GSDME: variants seen among roughly 807,000 people sequenced by gnomAD.
GSDME encodes the protein gasdermin E.
A neutral mutation model predicts 47.5 loss-of-function variants in GSDME; 44 were observed. That is an observed-to-expected ratio of 0.93 (90% CI 0.73 to 1.19). The LOEUF is 1.19. Ranked by LOEUF, GSDME falls within the 50% of genes most tolerant of loss-of-function variation. GSDME has a pLI of 0.00. For synonymous variants in GSDME, 258 were observed against 252.8 expected, an observed-to-expected ratio of 1.02 and a Z score of -0.20; for missense variants, 663 against 604.2, an observed-to-expected ratio of 1.10 and a Z score of -1.02.
At chr7:24,719,367 A>T in intron 3 of GSDME, 149 bp from the exon 4 acceptor site, 1 of 880,166 alleles carries the variant, frequency 1.1e-6, no homozygotes, top group Non-Finnish European at 1.8e-6. Context: ...GTGGCAGGTC[A>T]CCTGGAAAGA....
rs1340449850 is a variant in GSDME at position 24,725,551 on chromosome 7, T to C, written c.405-6333A>G. Among the ~76,000 whole-genome samples, 1 of 152,018 alleles carries C rather than the reference T, an allele frequency of 6.6e-6. No individual in the cohort carries two copies. Among genetic ancestry groups the C allele is most frequent in the Non-Finnish European group, 1.5e-5 (1 of 68,002 alleles). ...TCTTGAGTGAGCAATTCCTGTCCCG[T>C]TTAAGGGCTCACAACTCTAAGGGGG... On this transcript the variant is annotated intron_variant, in intron 3 of 9. Transcript: ENST00000645220. The surrounding 1 kb of genome is among the most constrained non-coding windows in gnomAD (Gnocchi z 5.1).
At chr7:24,770,369 T>C in the GSDME span, among the ~76,000 whole-genome samples, 2 of 152,230 alleles carry the variant, frequency 1.3e-5, no homozygotes, top group Non-Finnish European at 2.9e-5. This position sits in a 1 kb window ranked among gnomAD's most constrained non-coding sequence, Gnocchi z 4.6. Context: ...GTTGTATCCT[T>C]TATGATAAAC....
At chr7:24,710,495 C>G in intron 5 of GSDME, 107 bp from the exon 6 acceptor site, 1 of 1,062,446 alleles carries the variant, frequency 9.4e-7, no homozygotes, top group Non-Finnish European at 1.4e-6. Flanking sequence ...AGACGTAACT[C>G]AGTGGAGCAG....
chr7:24,715,352 C>T, intron 5 of GSDME: 1 of 426,404 alleles, frequency 2.3e-6, no homozygotes, highest in Non-Finnish European at 4.9e-6. Flanking sequence ...GTCCTCACCA[C>T]ACACATGCAG....
chr7:24,718,368 T>G (rs1383893312), intron 4 of GSDME, among the ~76,000 whole-genome samples: 1 of 152,212 alleles, frequency 6.6e-6, no homozygotes, highest in Non-Finnish European at 1.5e-5. Context: ...TCCATTGAAG[T>G]TTAGTACTGG....
At chr7:24,792,812 C>T in the GSDME span, among the ~76,000 whole-genome samples, 2 of 151,778 alleles carry the variant, frequency 1.3e-5, no homozygotes, top group African/African-American at 2.4e-5. Context: ...TTTCTTTTTT[C>T]CACCCTTTGA....
intron 3 of GSDME, among the ~76,000 whole-genome samples, chr7:24,737,216 GT>G (rs1341098611): frequency 7.2e-5 from 11 of 151,914 alleles, no homozygotes; most frequent in African/African-American, 2.6e-4. Context: ...ACAAAAGTTT[GT>G]TTTTTTAAAA....
rs1384779365 is a variant in GSDME at position 24,724,522 on chromosome 7, A to G, written c.405-5304T>C. Among the ~76,000 whole-genome samples, 1 of 152,220 alleles carries G rather than the reference A, an allele frequency of 6.6e-6. No individual in the cohort carries two copies. Among genetic ancestry groups the G allele is most frequent in the Non-Finnish European group, 1.5e-5 (1 of 68,040 alleles). On this transcript the variant is annotated intron_variant, in intron 3 of 9. Transcript: ENST00000645220. The surrounding 1 kb of genome is among the most constrained non-coding windows in gnomAD (Gnocchi z 4.8). ...AGCAAGAACAGGAGGCCACTGAGGCAGAGGCGTATATCCTCAACAGAAAGG... is the reference window on the plus strand; with the variant it reads ...AGCAAGAACAGGAGGCCACTGAGGCGGAGGCGTATATCCTCAACAGAAAGG...
rs1790293204 is a variant in GSDME, at chr7:24,735,934, A to T, written c.404+8628T>A. On this transcript the variant is annotated intron_variant, in intron 3 of 9. Transcript: ENST00000645220. This position sits in a 1 kb window ranked among gnomAD's most constrained non-coding sequence, Gnocchi z 4.4. The stretch of plus-strand genomic sequence containing the variant: ...CATTTTCTTTTTATTTGTTTATGCT[A>T]GCAGTGTTAAGTTGTTATCAGCTTA... Among the ~76,000 whole-genome samples, 1 of 152,154 alleles carries T rather than the reference A, an allele frequency of 6.6e-6. No individual in the cohort carries two copies. Among genetic ancestry groups the T allele is most frequent in the Non-Finnish European group, 1.5e-5 (1 of 68,032 alleles).
chr7:24,718,563 G>C (rs148863045), intron 4 of GSDME, among the ~76,000 whole-genome samples: 1 of 152,348 alleles, frequency 6.6e-6, no homozygotes, highest in East Asian at 1.9e-4. Flanking sequence ...CCTGATCAGT[G>C]CCTGTGTGTT....
At chr7:24,741,702 T>C (rs970131628) in intron 3 of GSDME, among the ~76,000 whole-genome samples, 2 of 152,112 alleles carry the variant, frequency 1.3e-5, no homozygotes, top group Admixed American at 6.5e-5. Context: ...TCCTTAAGCA[T>C]CACGAACTGC....
chr7:24,720,152 T>G (rs1209687010), intron 3 of GSDME, among the ~76,000 whole-genome samples: 1 of 152,156 alleles, frequency 6.6e-6, no homozygotes, highest in Non-Finnish European at 1.5e-5. Context: ...CAGCAGAGAT[T>G]TGGGGCTCCC....
At chr7:24,702,950 A>G (rs750039288) in intron 8 of GSDME, 117 bp from the exon 9 acceptor site, 2 of 816,330 alleles carry the variant, frequency 2.4e-6, no homozygotes, top group Non-Finnish European at 4.0e-6. Context: ...CAGGCAGGGG[A>G]GGTACTCAGC....
chr7:24,712,116 G>A lies in GSDME; in HGVS notation c.698-1728C>T, dbSNP rs1235473548. On this transcript the variant is annotated intron_variant, in intron 5 of 9. Transcript: ENST00000645220. The surrounding 1 kb of genome is among the most constrained non-coding windows in gnomAD (Gnocchi z 4.4). ...GGCATTAATGATGCTCATAAAGATA[G>A]AATGGAAAAGAAAAAGAAGAATGGC... Among the ~76,000 whole-genome samples, 1 of 152,160 alleles carries A rather than the reference G, an allele frequency of 6.6e-6. No individual in the cohort carries two copies. Among genetic ancestry groups the A allele is most frequent in the East Asian group, 1.9e-4 (1 of 5,190 alleles).
chr7:24,717,246 GCACT>G lies in GSDME; in HGVS notation c.697+4_697+7del. 6.7e-7 allele frequency: 1 copy of G among 1,487,984 alleles called. No individual in the cohort carries two copies. Among genetic ancestry groups the G allele is most frequent in the Non-Finnish European group, 9.1e-7 (1 of 1,099,692 alleles). 92.2% of individuals were successfully genotyped at this position (1,487,984 alleles called of 1,614,324 possible). Reference sequence around the variant, plus strand: ...GATCCCTCAGCACCCATAGGAGGTGGCACTCACCGAACTGGCCGTCCAGTTTCAC... The same window carrying G: ...GATCCCTCAGCACCCATAGGAGGTGGCACCGAACTGGCCGTCCAGTTTCAC... On this transcript the variant is annotated splice_donor_5th_base_variant and intron_variant, in intron 5 of 9. Transcript: ENST00000645220.
intron 3 of GSDME, chr7:24,743,911 C>A (rs1047967401): frequency 4.5e-5 from 7 of 155,104 alleles, no homozygotes; most frequent in Non-Finnish European, 7.1e-5. Flanking sequence ...TTTGGTATCT[C>A]TCCTCACTAG....
chr7:24,764,822 A>T, the GSDME span, among the ~76,000 whole-genome samples: 2 of 152,370 alleles, frequency 1.3e-5, no homozygotes, highest in South Asian at 4.1e-4. The surrounding 1 kb of genome is among the most constrained non-coding windows in gnomAD (Gnocchi z 4.4). Context: ...TACTTGATAA[A>T]TGGTAGCTAT....
At chr7:24,730,554 C>T (rs1271264990) in intron 3 of GSDME, among the ~76,000 whole-genome samples, 1 of 152,330 alleles carries the variant, frequency 6.6e-6, no homozygotes, top group African/African-American at 2.4e-5. Flanking sequence ...CAGTGGCTCA[C>T]ACCTGTAATC....
rs901522722 is a variant in GSDME at position 24,757,211 on chromosome 7, G to T, written c.-20+185C>A. ...GGAGGCGAGGGGAGCGACGGGACCT[G>T]CCGTTCCGGCGGCCGGGCAGCCAAT... On this transcript the variant is annotated intron_variant, in intron 1 of 9. Transcript: ENST00000645220. The surrounding 1 kb of genome is among the most constrained non-coding windows in gnomAD (Gnocchi z 5.9). Among the ~76,000 whole-genome samples, 10 of 151,848 alleles carry T rather than the reference G, an allele frequency of 6.6e-5. No homozygotes were observed. Among genetic ancestry groups the T allele is most frequent in the Non-Finnish European group, 1.3e-4 (9 of 67,916 alleles).
Sources: gnomAD v4.1 joint callset for allele counts (sites outside exome capture counted in the v4.1 genomes callset) on GRCh38, gnomAD v4.1.1 for gene constraint, Gnocchi (gnomAD v3.1) non-coding constraint, MANE v1.5 for transcripts, NCBI Gene and HGNC (gene_info 2026-07-23, HGNC 2026-07-21) for gene names.